CDH1: variants seen among roughly 807,000 people sequenced by gnomAD.
CDH1 encodes the protein cadherin 1, also known as cadherin-1.
A neutral mutation model predicts 84.5 loss-of-function variants in CDH1; 35 were observed. The ratio of observed to expected loss-of-function variants is 0.41; its 90% CI spans 0.32 to 0.55. The LOEUF (loss-of-function observed/expected upper bound fraction) is 0.55, where lower values mean the gene tolerates loss of function less well. Ranked by LOEUF, CDH1 falls within the 20% of genes least tolerant of loss-of-function variation. The pLI, the probability that CDH1 is intolerant of heterozygous loss-of-function variation, is 0.19. For missense variants in CDH1, 994 were observed against 1,126.6 expected (o/e 0.88, Z 1.68); for synonymous variants, 417 against 439.0 (o/e 0.95, Z 0.63).
chr16:68,826,137 G>T (rs147819264), intron 13 of CDH1, among the ~76,000 whole-genome samples: 126 of 151,944 alleles, frequency 8.3e-4, no homozygotes, highest in African/African-American at 3.0e-3. Flanking sequence ...CTTAAAGATT[G>T]TAGTTATACT....
intron 2 of CDH1, among the ~76,000 whole-genome samples, chr16:68,794,106 C>A (rs752398053): frequency 6.6e-6 from 1 of 152,096 alleles, no homozygotes; most frequent in African/African-American, 2.4e-5. Context: ...CATCACAGCT[C>A]ACCGCAGCCT....
intron 2 of CDH1, among the ~76,000 whole-genome samples, chr16:68,770,793 G>C (rs1959551251): frequency 6.6e-6 from 1 of 151,724 alleles, no homozygotes. Flanking sequence ...GTGGGCAAGA[G>C]GCCCAGTGTG....
chr16:68,750,150 C>CTTTTTTTTTTGTTTTTTTTTTTTTTTT (rs1962852619), intron 2 of CDH1, among the ~76,000 whole-genome samples: 1 of 79,096 alleles, frequency 1.3e-5, no homozygotes, highest in Admixed American at 1.5e-4. Flanking sequence ...TAGAATTCAG[C>CTTTTTTTTTTGTTTTTTTTTTTTTTTT]TTTTTTTTTT....
At chr16:68,755,871 C>A (rs942248036) in intron 2 of CDH1, among the ~76,000 whole-genome samples, 1 of 150,146 alleles carries the variant, frequency 6.7e-6, no homozygotes, top group Non-Finnish European at 1.5e-5. Flanking sequence ...TCAAGCGATT[C>A]TCCCACCTCA....
chr16:68,758,674 C>CG (rs368653644), intron 2 of CDH1, among the ~76,000 whole-genome samples: 2 of 110,156 alleles, frequency 1.8e-5, no homozygotes, highest in African/African-American at 3.7e-5. Context: ...AAGCATGGGG[C>CG]GGGGGGCGGG....
At chr16:68,792,207 C>T (rs1406140751) in intron 2 of CDH1, among the ~76,000 whole-genome samples, 5 of 148,284 alleles carry the variant, frequency 3.4e-5, no homozygotes, top group African/African-American at 1.3e-4. Flanking sequence ...AGGCATGAGG[C>T]ACCACACCCG....
intron 2 of CDH1, among the ~76,000 whole-genome samples, chr16:68,772,350 C>G (rs541604451): frequency 1.3e-5 from 2 of 152,266 alleles, no homozygotes; most frequent in South Asian, 4.1e-4. Context: ...TTGTCCCTCT[C>G]CAACATATGG....
At chr16:68,763,520 G>A (rs1959285708) in intron 2 of CDH1, 1 of 152,292 alleles carries the variant, frequency 6.6e-6, no homozygotes, top group South Asian at 2.1e-4. Flanking sequence ...TGAGGCAGTT[G>A]AGGAAAGGTG....
chr16:68,826,047 T>A (rs34179551), intron 13 of CDH1, among the ~76,000 whole-genome samples: 4,781 of 152,204 alleles, frequency 0.031, 120 homozygotes, highest in East Asian at 0.073. Context: ...CTCAAACTCC[T>A]GGTCTCAACC....
chr16:68,768,749 G>A (rs981670916), intron 2 of CDH1, among the ~76,000 whole-genome samples: 2 of 152,088 alleles, frequency 1.3e-5, no homozygotes, highest in African/African-American at 2.4e-5. Context: ...TATCACCACC[G>A]GGGAACATTT....
chr16:68,803,069 C>T (rs890536402), intron 3 of CDH1, among the ~76,000 whole-genome samples: 21 of 152,084 alleles, frequency 1.4e-4, no homozygotes, highest in African/African-American at 3.9e-4. Context: ...TGCTTCCTAC[C>T]GAAATGTCTC....
intron 2 of CDH1, among the ~76,000 whole-genome samples, chr16:68,754,003 C>T (rs1962955319): frequency 1.3e-5 from 2 of 151,626 alleles, no homozygotes; most frequent in African/African-American, 4.8e-5. Context: ...CCTATAGTCC[C>T]AGCTACTTGG....
intron 4 of CDH1, 52 bp from the exon 5 acceptor site, chr16:68,808,641 C>T (rs2152129965): frequency 6.2e-7 from 1 of 1,612,628 alleles, no homozygotes; most frequent in Non-Finnish European, 8.5e-7. Context: ...GGGAAAAGAC[C>T]CAGTGTTGGG....
At chr16:68,785,695 CAAT>C (rs1478144786) in intron 2 of CDH1, among the ~76,000 whole-genome samples, 1 of 151,688 alleles carries the variant, frequency 6.6e-6, no homozygotes, top group African/African-American at 2.4e-5. Context: ...TATCAGCAAA[CAAT>C]AATGTGTCTT....
At chr16:68,799,124 C>T (rs1960433652) in intron 2 of CDH1, among the ~76,000 whole-genome samples, 4 of 152,194 alleles carry the variant, frequency 2.6e-5, no homozygotes, top group Admixed American at 2.6e-4. Flanking sequence ...TAGCAATTTG[C>T]TAAGGCCACC....
chr16:68,810,377 G>C (rs2152131272), intron 6 of CDH1, 36 bp downstream of exon 6: 1 of 1,602,948 alleles, frequency 6.2e-7, no homozygotes, highest in Non-Finnish European at 8.5e-7. Context: ...TACTCAGAAA[G>C]ACTCTTAGGT....
intron 2 of CDH1, among the ~76,000 whole-genome samples, chr16:68,780,587 A>G (rs1959848748): frequency 1.3e-5 from 2 of 152,174 alleles, no homozygotes; most frequent in Non-Finnish European, 2.9e-5. Context: ...CACCATGCCC[A>G]GCACCTGTTC....
chr16:68,753,212 C>CAAAAAAAAA (rs55703202), intron 2 of CDH1, among the ~76,000 whole-genome samples: 1 of 70,110 alleles, frequency 1.4e-5, no homozygotes, highest in African/African-American at 5.8e-5. Context: ...GACTCAGTCT[C>CAAAAAAAAA]AAAAAAAAAA....
At chr16:68,739,427 T>C (rs1432223464) in intron 2 of CDH1, among the ~76,000 whole-genome samples, 1 of 151,696 alleles carries the variant, frequency 6.6e-6, no homozygotes, top group African/African-American at 2.4e-5. Flanking sequence ...AAAAAATAAA[T>C]AAAAAATAAA....
Sources: gnomAD v4.1 joint callset for allele counts (sites outside exome capture counted in the v4.1 genomes callset) on GRCh38, gnomAD v4.1.1 for gene constraint, MANE v1.5 for transcripts, NCBI Gene and HGNC (gene_info 2026-07-23, HGNC 2026-07-21) for gene names.